The following ANKRD12 variants were observed in gnomAD, a reference collection of about 807,000 sequenced individuals.
The protein encoded by ANKRD12 is ankyrin repeat domain-containing protein 12.
ANKRD12 carries 85 observed loss-of-function variants against 183.4 expected under a neutral mutation model. That is an observed-to-expected ratio of 0.46 (90% CI 0.39 to 0.56). The LOEUF is 0.56. Among genes scored for constraint, ANKRD12 ranks in the 20% least tolerant of loss-of-function variants. The pLI is 0.00. For synonymous variants in ANKRD12, 914 were observed against 800.2 expected, an observed-to-expected ratio of 1.14 and a Z score of -2.40; for missense variants, 2,405 against 2,357.1, an observed-to-expected ratio of 1.02 and a Z score of -0.42.
chr18:9,147,757 T>C (rs1378378072), intron 1 of ANKRD12, among the ~76,000 whole-genome samples: 18 of 152,212 alleles, frequency 1.2e-4, no homozygotes. Flanking sequence ...TAATAAAGTA[T>C]AGATTTGAGA....
chr18:9,275,533 A>C lies in ANKRD12; in HGVS notation c.5773A>C (p.Ile1925Leu), dbSNP rs1242269438. Residue 1925 changes from isoleucine (I) to leucine (L), a missense_variant, in exon 11 of 13, where the codon ATT (isoleucine) becomes CTT (leucine). Ile to Leu is a conservative substitution (Grantham distance 5, BLOSUM62 2). Coordinates refer to ENST00000262126, the MANE Select transcript of ANKRD12 (RefSeq NM_015208.5). ...TTCTTTATTCAACTAGGAAAAACTC[A>C]TTGTATCCAACGAACAAGAAGTTTT... Reference protein sequence around the residue: ...LQHSIEREKLIVSNEQEVLRV... With the variant: ...LQHSIEREKLLVSNEQEVLRV... 6.3e-7 allele frequency: 1 copy of C among 1,598,340 alleles called. No homozygotes were observed. The highest frequency in any genetic ancestry group is 8.5e-7 in the Non-Finnish European group (1 of 1,173,442).
rs1296612237 is a variant in ANKRD12 at position 9,205,853 on chromosome 18, G to T, written c.304+1309G>T. Among the ~76,000 whole-genome samples, 9 of 152,112 alleles carry T rather than the reference G, an allele frequency of 5.9e-5. No homozygotes were observed. The East Asian group carries it at 1.5e-3, about 26-fold the overall frequency. On this transcript the variant is annotated intron_variant, in intron 4 of 12. Transcript: ENST00000262126. The stretch of plus-strand genomic sequence containing the variant: ...GTTTGATTCTTATAGTGACTACTTT[G>T]TGGGAAGATGTTGTATTCTTTAATT...
chr18:9,225,736 AC>A, intron 8 of ANKRD12, among the ~76,000 whole-genome samples: 1 of 152,314 alleles, frequency 6.6e-6, no homozygotes, highest in African/African-American at 2.4e-5. Context: ...ATCCCAAATT[AC>A]CCACTTACAA....
chr18:9,155,364 G>A (rs1467347714), intron 1 of ANKRD12, among the ~76,000 whole-genome samples: 4 of 152,168 alleles, frequency 2.6e-5, no homozygotes, highest in Admixed American at 2.6e-4. Context: ...TGTTTAACCA[G>A]GTATAAATGG....
intron 1 of ANKRD12, among the ~76,000 whole-genome samples, chr18:9,150,575 T>C (rs1029802052): frequency 6.6e-6 from 1 of 152,230 alleles, no homozygotes; most frequent in South Asian, 2.1e-4. Context: ...TAGATGCCTG[T>C]ACTTTTTTCT....
chr18:9,194,263 A>T (rs2034633974), intron 2 of ANKRD12, among the ~76,000 whole-genome samples: 1 of 152,098 alleles, frequency 6.6e-6, no homozygotes, highest in African/African-American at 2.4e-5. Flanking sequence ...CATTTCTAGT[A>T]AGTTTCTAGG....
At position 9,256,429 on chromosome 18, in the gene ANKRD12, T is replaced by G; in HGVS notation, c.3162T>G (p.Pro1054=). The G allele has an allele frequency of 6.2e-7, 1 of 1,613,266 alleles. No individual in the cohort carries two copies. The highest frequency in any genetic ancestry group is 8.5e-7 in the Non-Finnish European group (1 of 1,179,724). The change falls in exon 9 of 13, where the codon CCT becomes CCG. Residue 1054 remains proline, a synonymous_variant. Coordinates refer to ENST00000262126, the MANE Select transcript of ANKRD12 (RefSeq NM_015208.5). The stretch of plus-strand genomic sequence containing the variant: ...AATCTGAAGCAGATAAGCCTAAACC[T>G]AAGTCATCACCAGCATCAAAAGATA... ...KLKSEADKPK[P]KSSPASKDTR...
intron 1 of ANKRD12, among the ~76,000 whole-genome samples, chr18:9,154,987 T>C (rs1040868245): frequency 6.6e-6 from 1 of 152,200 alleles, no homozygotes; most frequent in East Asian, 1.9e-4. Flanking sequence ...CAGTGGCTTA[T>C]TAGTGGTATT....
At chr18:9,208,454 GA>G (rs1355349183) in intron 4 of ANKRD12, among the ~76,000 whole-genome samples, 1 of 151,970 alleles carries the variant, frequency 6.6e-6, no homozygotes, top group Admixed American at 6.6e-5. Context: ...GTGGAATTAA[GA>G]ATATATTTTT....
intron 12 of ANKRD12, 32 bp from the exon 13 acceptor site, chr18:9,280,904 CAGAAT>C (rs1461753387): frequency 1.3e-6 from 2 of 1,577,216 alleles, no homozygotes; most frequent in East Asian, 2.2e-5. Context: ...GCAAAGTTAA[CAGAAT>C]AATCAAGTAA....
chr18:9,153,272 C>G (rs1334722631), intron 1 of ANKRD12, among the ~76,000 whole-genome samples: 1 of 152,218 alleles, frequency 6.6e-6, no homozygotes, highest in Non-Finnish European at 1.5e-5. Context: ...CTTAGTATCA[C>G]CAATAGCTTA....
chr18:9,256,099 T>C lies in ANKRD12; in HGVS notation c.2832T>C (p.Ser944=). The change falls in exon 9 of 13, where the codon AGT becomes AGC. Residue 944 remains serine (S), a synonymous_variant. Transcript: ENST00000262126. ...AACAATCAGATAATAGTGAATACAG[T>C]AAATCAGAAAAAGGCAAAAATAAAG... ...KNKQSDNSEY[S]KSEKGKNKEK... 2 of 1,558,198 alleles carry C rather than the reference T, an allele frequency of 1.3e-6. No homozygotes were observed. Among genetic ancestry groups the C allele is most frequent in the East Asian group, 4.6e-5 (2 of 43,728 alleles).
chr18:9,265,973 T>C (rs941020306), intron 10 of ANKRD12, among the ~76,000 whole-genome samples: 5 of 152,144 alleles, frequency 3.3e-5, no homozygotes, highest in African/African-American at 9.7e-5. Context: ...ACATGACGAA[T>C]GCACAAGCTT....
rs2038629615 is a variant in ANKRD12, at chr18:9,256,406, T to A, written c.3139T>A (p.Ser1047Thr). The A allele has an allele frequency of 6.2e-6, 10 of 1,610,512 alleles. No individual in the cohort carries two copies. The highest frequency in any genetic ancestry group is 8.5e-6 in the Non-Finnish European group (10 of 1,179,022). Residue 1047 changes from serine to threonine, a missense_variant, in exon 9 of 13, where the codon TCT becomes ACT. By Grantham distance (58) the Ser-to-Thr change is moderately conservative (BLOSUM62 1). This residue lies in a region of ANKRD12 where 1,983 missense variants were observed against 1,725.9 expected (regional missense o/e 1.15). Transcript: ENST00000262126. ...IQINSLLKLK[S>T]EADKPKPKSS... ...AATAAATAGCTTACTCAAACTAAAA[T>A]CTGAAGCAGATAAGCCTAAACCTAA...
In ANKRD12 at chr18:9,257,258, A is replaced by G. The variant is rs771798180; in HGVS notation, c.3991A>G (p.Asn1331Asp). The G allele has an allele frequency of 2.4e-5, 38 of 1,614,158 alleles. No individual in the cohort carries two copies. Among genetic ancestry groups the G allele is most frequent in the Non-Finnish European group, 3.1e-5 (37 of 1,179,992 alleles). Residue 1331 changes from asparagine to aspartate, a missense_variant, in exon 9 of 13, where the codon AAT becomes GAT. Physicochemically the swap from Asn to Asp is conservative, Grantham distance 23. This residue lies in a region of ANKRD12 where 1,983 missense variants were observed against 1,725.9 expected (regional missense o/e 1.15). Transcript: ENST00000262126. ...ATTCCAAACAATATCAGAAGAGAGC[A>G]ATCAAGGTAGCTTATTAACTGTGCC... ...KQFQTISEES[N>D]QGSLLTVPGD...
intron 1 of ANKRD12, among the ~76,000 whole-genome samples, chr18:9,169,822 A>G (rs1300761293): frequency 6.6e-6 from 1 of 152,074 alleles, no homozygotes; most frequent in East Asian, 1.9e-4. Flanking sequence ...GGTCTTTACA[A>G]TTTGGCATGT....
chr18:9,267,004 T>G (rs1057009688), intron 10 of ANKRD12, among the ~76,000 whole-genome samples: 6 of 151,470 alleles, frequency 4.0e-5, no homozygotes, highest in African/African-American at 1.2e-4. Context: ...CCAACAAAGA[T>G]CAAAAGAGAC....
chr18:9,257,437 G>A lies in ANKRD12; in HGVS notation c.4170G>A (p.Lys1390=), dbSNP rs754741133. 2 of 1,614,060 alleles carry A rather than the reference G, an allele frequency of 1.2e-6. No homozygotes were observed. Among genetic ancestry groups the A allele is most frequent in the Non-Finnish European group, 1.7e-6 (2 of 1,179,988 alleles). ...KYVSADRNLI[K]NTAPVNTVMD... ...TTTCAGCTGATAGAAATCTCATCAA[G>A]AATACTGCCCCAGTGAACACTGTAA... The change falls in exon 9 of 13, where the codon AAG becomes AAA. Residue 1390 remains lysine (K), a synonymous_variant. Coordinates refer to ENST00000262126, the MANE Select transcript of ANKRD12 (RefSeq NM_015208.5).
intron 3 of ANKRD12, among the ~76,000 whole-genome samples, chr18:9,203,307 G>A (rs765381909): frequency 3.9e-5 from 6 of 152,030 alleles, no homozygotes; most frequent in Admixed American, 6.6e-5. Context: ...TTTCAAATAC[G>A]ATGCTTAGGG....
Sources: allele counts gnomAD v4.1 joint callset (sites outside exome capture counted in the v4.1 genomes callset), GRCh38; gene constraint gnomAD v4.1.1; regional missense constraint gnomAD v4.1.1; transcripts MANE v1.5; gene names NCBI Gene and HGNC (gene_info 2026-07-23, HGNC 2026-07-21).